The following TPO variants were observed in gnomAD, a reference collection of about 807,000 sequenced individuals.
TPO encodes thyroid peroxidase.
A neutral mutation model predicts 96.9 loss-of-function variants in TPO; 78 were observed. The ratio of observed to expected loss-of-function variants is 0.81; its 90% confidence interval spans 0.67 to 0.97. TPO has a LOEUF of 0.97. Among genes scored for constraint, TPO ranks in the 50% least tolerant of loss-of-function variants. The pLI is 0.00. For synonymous variants in TPO, 547 were observed against 538.0 expected, an observed-to-expected ratio of 1.02 and a Z score of -0.23; for missense variants, 1,252 against 1,274.8, an observed-to-expected ratio of 0.98 and a Z score of 0.27.
intron 2 of TPO, among the ~76,000 whole-genome samples, chr2:1,421,286 C>G (rs1178353965): frequency 1.3e-5 from 2 of 152,252 alleles, no homozygotes; most frequent in African/African-American, 2.4e-5. Context: ...ACTTGCCAGG[C>G]CCTCAGCCCA....
chr2:1,515,904 A>G (rs530711556), intron 14 of TPO, among the ~76,000 whole-genome samples: 1 of 152,318 alleles, frequency 6.6e-6, no homozygotes, highest in East Asian at 1.9e-4. Flanking sequence ...GTTTAAAAAA[A>G]AAACGCTGAT....
At chr2:1,520,281 CCT>C (rs1675115105) in intron 15 of TPO, among the ~76,000 whole-genome samples, 2 of 152,196 alleles carry the variant, frequency 1.3e-5, no homozygotes, top group Non-Finnish European at 2.9e-5. Flanking sequence ...GCCTCGCCTC[CCT>C]GTGTCTTATT....
chr2:1,512,687 G>A (rs1262495056), intron 14 of TPO, among the ~76,000 whole-genome samples: 2 of 152,196 alleles, frequency 1.3e-5, no homozygotes, highest in African/African-American at 4.8e-5. Flanking sequence ...GACCTCCCTG[G>A]CTGTGACTCA....
chr2:1,516,560 A>G (rs1033440364), intron 14 of TPO, among the ~76,000 whole-genome samples: 1 of 152,166 alleles, frequency 6.6e-6, no homozygotes, highest in African/African-American at 2.4e-5. Flanking sequence ...GGGCACTGAG[A>G]GCCCTCCCTG....
chr2:1,541,494 C>T (rs1680765131), intron 16 of TPO: 1 of 154,082 alleles, frequency 6.5e-6, no homozygotes, highest in African/African-American at 2.4e-5. Flanking sequence ...GTGGCTGGGT[C>T]TACAGGCGCT....
intron 14 of TPO, among the ~76,000 whole-genome samples, chr2:1,505,188 TCAAGCTACA>T (rs1673278138): frequency 6.6e-6 from 1 of 152,172 alleles, no homozygotes; most frequent in South Asian, 2.1e-4. Flanking sequence ...TCTGGGGCTC[TCAAGCTACA>T]TCCGCTTGAC....
rs867236607 is a variant in TPO at position 1,529,178 on chromosome 2, G to A, written c.2619-11416G>A. Among the ~76,000 whole-genome samples the A allele has an allele frequency of 4.2e-3, 97 of 23,312 alleles. 3 individuals are homozygous for A. The highest frequency in any genetic ancestry group is 0.021 in the African/African-American group (91 of 4,306). The allele number at this position is 23,312 out of a possible 152,430, so 15.3% of individuals were successfully genotyped here. On this transcript the variant is annotated intron_variant, in intron 15 of 16. Transcript: ENST00000329066. ...TCCCTGAATCCCCCCACTGTGTGCA[G>A]CCTCTCCAAATCCCCCCCACTCTGT...
At chr2:1,392,605 T>C (rs1322481587) in intron 1 of TPO, among the ~76,000 whole-genome samples, 2 of 152,228 alleles carry the variant, frequency 1.3e-5, no homozygotes, top group East Asian at 1.9e-4. Flanking sequence ...GTACCTCCGG[T>C]AGAATTCGGC....
At chr2:1,459,895 C>T (rs1046872299) in intron 7 of TPO, among the ~76,000 whole-genome samples, 1 of 152,034 alleles carries the variant, frequency 6.6e-6, no homozygotes, top group Non-Finnish European at 1.5e-5. Flanking sequence ...CAGGGCGGCC[C>T]CCTGCATGTG....
At chr2:1,536,135 C>T (rs371217693) in intron 15 of TPO, among the ~76,000 whole-genome samples, 1 of 43,584 alleles carries the variant, frequency 2.3e-5, no homozygotes, top group Admixed American at 3.2e-4. Context: ...CCCAAATCCC[C>T]CAATCTATGC....
At position 1,542,785 on chromosome 2, in the gene TPO, CTTCT is replaced by C; in HGVS notation, c.*312_*315del. 1.6e-6 allele frequency: 1 copy of C among 635,272 alleles called. No individual in the cohort carries two copies. The highest frequency in any genetic ancestry group is 3.1e-5 in the Admixed American group (1 of 32,394). The allele number at this position is 635,272 out of a possible 1,614,324, so 39.4% of individuals were successfully genotyped here. On this transcript the variant is annotated 3_prime_UTR_variant, in exon 17 of 17. Coordinates refer to ENST00000329066, the MANE Select transcript of TPO (RefSeq NM_001206744.2). ...ACTCTTGCAATCCTCCTGTCTCCAC[CTTCT>C]GGCATCTCTGATGCCGTGCTCGTCT...
intron 6 of TPO, among the ~76,000 whole-genome samples, chr2:1,455,485 A>G (rs1477056666): frequency 2.0e-5 from 3 of 152,364 alleles, no homozygotes; most frequent in Non-Finnish European, 4.4e-5. Context: ...AGATCCATCC[A>G]GGACAAAATT....
At chr2:1,521,841 C>A (rs1176012835) in intron 15 of TPO, among the ~76,000 whole-genome samples, 1 of 151,956 alleles carries the variant, frequency 6.6e-6, no homozygotes, top group African/African-American at 2.4e-5. Flanking sequence ...CTGTTCCCAG[C>A]CTGGTCACAC....
At chr2:1,401,797 C>T (rs1662176398) in intron 1 of TPO, among the ~76,000 whole-genome samples, 1 of 152,172 alleles carries the variant, frequency 6.6e-6, no homozygotes, top group African/African-American at 2.4e-5. Context: ...CCTGCAAAGC[C>T]ACTCTGCAGC....
At chr2:1,501,575 T>C (rs1053533061) in intron 13 of TPO, among the ~76,000 whole-genome samples, 7 of 152,192 alleles carry the variant, frequency 4.6e-5, no homozygotes, top group East Asian at 3.9e-4. Flanking sequence ...TACCTCTGCA[T>C]GTGGCCTGAT....
chr2:1,467,406 G>T (rs764491203), intron 7 of TPO, among the ~76,000 whole-genome samples: 1 of 152,016 alleles, frequency 6.6e-6, no homozygotes, highest in Non-Finnish European at 1.5e-5. Flanking sequence ...GCCTGGCCCC[G>T]AAGAATTTTT....
At chr2:1,513,678 G>A (rs1177955285) in intron 14 of TPO, 1 of 151,994 alleles carries the variant, frequency 6.6e-6, no homozygotes, top group African/African-American at 2.4e-5. Context: ...CGTAGATTTA[G>A]ATATAGATAT....
intron 15 of TPO, among the ~76,000 whole-genome samples, chr2:1,518,814 T>G (rs1674960057): frequency 6.6e-6 from 1 of 152,254 alleles, no homozygotes; most frequent in South Asian, 2.1e-4. Context: ...CTCAGGTGCT[T>G]GCCATGGCTT....
chr2:1,407,554 C>G (rs1057059476), intron 1 of TPO, among the ~76,000 whole-genome samples: 1 of 152,194 alleles, frequency 6.6e-6, no homozygotes, highest in Non-Finnish European at 1.5e-5. Context: ...AAACTACCCC[C>G]TTTTCTTGTC....
Sources: gnomAD v4.1 joint callset for allele counts (sites outside exome capture counted in the v4.1 genomes callset) on GRCh38, gnomAD v4.1.1 for gene constraint, MANE v1.5 for transcripts, NCBI Gene and HGNC (gene_info 2026-07-23, HGNC 2026-07-21) for gene names.